LAMC1: variants seen among roughly 807,000 people sequenced by gnomAD.
LAMC1 encodes laminin subunit gamma 1.
Under a neutral mutation model 173.6 loss-of-function variants are expected in LAMC1, and 38 were observed. The ratio of observed to expected loss-of-function variants is 0.22; its 90% CI spans 0.17 to 0.29. The LOEUF (loss-of-function observed/expected upper bound fraction) is 0.29, where lower values mean the gene tolerates loss of function less well. Among genes scored for constraint, LAMC1 ranks in the 10% least tolerant of loss-of-function variants. The pLI, the probability that LAMC1 is intolerant of heterozygous loss-of-function variation, is 1.00. For synonymous variants in LAMC1, 746 were observed against 749.1 expected (o/e 1.00, Z 0.07); for missense variants, 1,824 against 2,051.8 (o/e 0.89, Z 2.14).
At chr1:183,131,731 G>A (rs1252618473) in intron 20 of LAMC1, among the ~76,000 whole-genome samples, 1 of 151,840 alleles carries the variant, frequency 6.6e-6, no homozygotes, top group East Asian at 1.9e-4. Context: ...ATTAGGCATG[G>A]GATTTGTTTT....
At chr1:183,055,286 G>A (rs913306812) in intron 1 of LAMC1, among the ~76,000 whole-genome samples, 2 of 150,814 alleles carry the variant, frequency 1.3e-5, no homozygotes, top group Admixed American at 6.6e-5. Context: ...CACCGCGCCC[G>A]GACACATCCT....
At chr1:183,129,430 C>A (rs556082992) in intron 18 of LAMC1, among the ~76,000 whole-genome samples, 3 of 152,096 alleles carry the variant, frequency 2.0e-5, no homozygotes, top group Admixed American at 6.6e-5. Flanking sequence ...ACCTTCCAAG[C>A]AGGACCACCA....
At position 183,132,400 on chromosome 1, in the gene LAMC1, T is replaced by G. The variant is rs1656821453; in HGVS notation, c.3567T>G (p.Arg1189=). Residue 1189 remains arginine, a splice_region_variant and synonymous_variant, in exon 21 of 28, where the codon CGT becomes CGG. Transcript: ENST00000258341. ...CTTATTTTTTGTTTTATCTGTATAG[T>G]CATAAACAGGAAGCTGATGACATTG... ...LAEEARKLAE[R]HKQEADDIVR... is the part of the protein sequence containing the mutation. 1 of 1,613,538 alleles carries G rather than the reference T, an allele frequency of 6.2e-7. No homozygotes were observed. The highest frequency in any genetic ancestry group is 8.5e-7 in the Non-Finnish European group (1 of 1,179,606).
At chr1:183,060,661 A>T (rs189507461) in intron 1 of LAMC1, among the ~76,000 whole-genome samples, 1 of 152,340 alleles carries the variant, frequency 6.6e-6, no homozygotes, top group Non-Finnish European at 1.5e-5. Context: ...TGGGGACAAG[A>T]GCTAGATCTT....
chr1:183,047,992 C>T (rs1654309606), intron 1 of LAMC1, among the ~76,000 whole-genome samples: 2 of 152,060 alleles, frequency 1.3e-5, no homozygotes, highest in Admixed American at 1.3e-4. Context: ...TCTCTGCCAA[C>T]GCTGCCTCTC....
In LAMC1 at chr1:183,142,556, G is replaced by T; in HGVS notation, c.4596G>T (p.Leu1532=). 6.2e-7 allele frequency: 1 copy of T among 1,613,172 alleles called. No individual in the cohort carries two copies. The highest frequency in any genetic ancestry group is 1.1e-5 in the South Asian group (1 of 90,808). ...CAGGGCAGCTGGATACAGTGGACCTGAATAAGCTAAACGAGATTGAAGGCA... is the reference window on the plus strand; with the variant it reads ...CAGGGCAGCTGGATACAGTGGACCTTAATAAGCTAAACGAGATTGAAGGCA... ...EQLGQLDTVD[L]NKLNEIEGTL... is the part of the protein sequence containing the mutation. Residue 1532 remains leucine (L), a synonymous_variant, in exon 28 of 28, where the codon CTG becomes CTT. Transcript: ENST00000258341.
chr1:183,061,296 C>G (rs1654740599), intron 1 of LAMC1, among the ~76,000 whole-genome samples: 1 of 151,914 alleles, frequency 6.6e-6, no homozygotes, highest in Admixed American at 6.6e-5. Flanking sequence ...AAATCCTGAA[C>G]TTTCTACTCT....
At chr1:183,087,162 T>A (rs1655453213) in intron 1 of LAMC1, among the ~76,000 whole-genome samples, 1 of 152,204 alleles carries the variant, frequency 6.6e-6, no homozygotes, top group Non-Finnish European at 1.5e-5. Flanking sequence ...CTATGTATCT[T>A]CAGTACTCAG....
chr1:183,116,467 A>G, intron 6 of LAMC1, 110 bp from the exon 7 acceptor site: 1 of 664,870 alleles, frequency 1.5e-6, no homozygotes. Flanking sequence ...ACAGTGTGAG[A>G]CTCTGTCTCA....
intron 18 of LAMC1, 116 bp from the exon 19 acceptor site, chr1:183,130,228 C>G (rs1656743454): frequency 1.1e-6 from 1 of 872,264 alleles, no homozygotes; most frequent in African/African-American, 1.7e-5. Flanking sequence ...TTGTGGAAAC[C>G]TGGCAGAAAG....
chr1:183,139,079 T>G (rs1407707609), intron 26 of LAMC1, among the ~76,000 whole-genome samples: 3 of 152,126 alleles, frequency 2.0e-5, no homozygotes, highest in Non-Finnish European at 4.4e-5. Context: ...AAATAGATGT[T>G]TCTCACATGT....
chr1:183,103,295 T>C (rs1655881606), intron 1 of LAMC1, 33 bp from the exon 2 acceptor site: 3 of 1,587,874 alleles, frequency 1.9e-6, no homozygotes, highest in Admixed American at 3.5e-5. Flanking sequence ...TTCATACGTA[T>C]GATTTATGAC....
chr1:183,130,901 G>A (rs1024185263), intron 19 of LAMC1, among the ~76,000 whole-genome samples: 8 of 152,228 alleles, frequency 5.3e-5, no homozygotes, highest in Non-Finnish European at 7.4e-5. Context: ...GGGGCCAGGC[G>A]CGGTGGCTCA....
chr1:183,075,135 T>A (rs946062859), intron 1 of LAMC1, among the ~76,000 whole-genome samples: 1 of 151,934 alleles, frequency 6.6e-6, no homozygotes, highest in Non-Finnish European at 1.5e-5. Flanking sequence ...GCTTTTTTTT[T>A]TTTTTTCGAG....
intron 11 of LAMC1, among the ~76,000 whole-genome samples, chr1:183,118,682 C>T (rs1161239632): frequency 2.0e-5 from 3 of 150,580 alleles, no homozygotes; most frequent in Admixed American, 2.0e-4. Flanking sequence ...GAGCTCATGC[C>T]ACTGCATTCC....
At chr1:183,063,567 G>T (rs1654792605) in intron 1 of LAMC1, among the ~76,000 whole-genome samples, 1 of 152,192 alleles carries the variant, frequency 6.6e-6, no homozygotes, top group Non-Finnish European at 1.5e-5. Flanking sequence ...ACATGTGTCA[G>T]CAGTTGCTTT....
chr1:183,109,104 C>A (rs954631314), intron 3 of LAMC1, among the ~76,000 whole-genome samples: 6 of 152,228 alleles, frequency 3.9e-5, no homozygotes, highest in African/African-American at 1.4e-4. Flanking sequence ...AGACCTTAAA[C>A]AGCAGGTGAA....
rs200208697 is a variant in LAMC1, at chr1:183,052,978, A to G, written c.418+28844A>G. ...GGTATGTGGGTTTCCTTATCCAAAC[A>G]CAGGTAAATGAGGGAAGAGATGTAA... On this transcript the variant is annotated intron_variant, in intron 1 of 27. Transcript: ENST00000258341. Among the ~76,000 whole-genome samples, 13 of 152,300 alleles carry G rather than the reference A, an allele frequency of 8.5e-5. No homozygotes were observed. The East Asian group carries it at 1.7e-3, about 20-fold the overall frequency.
chr1:183,079,295 C>G (rs1318617289), intron 1 of LAMC1, among the ~76,000 whole-genome samples: 1 of 115,856 alleles, frequency 8.6e-6, no homozygotes, highest in African/African-American at 3.2e-5. Flanking sequence ...CACTCTGTCA[C>G]CCAGGCTGGA....
Sources: gnomAD v4.1 joint callset for allele counts (sites outside exome capture counted in the v4.1 genomes callset) on GRCh38, gnomAD v4.1.1 for gene constraint, MANE v1.5 for transcripts, NCBI Gene and HGNC (gene_info 2026-07-23, HGNC 2026-07-21) for gene names.